The following CYSTM1 variants were observed in gnomAD, a reference collection of about 807,000 sequenced individuals.
CYSTM1 encodes cysteine rich transmembrane module containing 1, also known as cysteine-rich transmembrane module-containing protein 1.
Under a neutral mutation model 13.1 loss-of-function variants are expected in CYSTM1, and 4 were observed. That is an observed-to-expected ratio of 0.31 (90% CI 0.15 to 0.70). The LOEUF is 0.70. Among genes scored for constraint, CYSTM1 ranks in the 30% least tolerant of loss-of-function variants. CYSTM1 has a pLI of 0.72. For missense variants in CYSTM1, 96 were observed against 121.6 expected, an observed-to-expected ratio of 0.79 and a Z score of 0.99; for synonymous variants, 36 against 42.7, an observed-to-expected ratio of 0.84 and a Z score of 0.62.
At chr5:140,201,596 T>A (rs1447563304) in intron 2 of CYSTM1, 1 of 152,276 alleles carries the variant, frequency 6.6e-6, no homozygotes, top group Non-Finnish European at 1.5e-5. Context: ...CTGCACCCTA[T>A]ACAGACTTCT....
chr5:140,237,164 T>A (rs570617002), intron 2 of CYSTM1, among the ~76,000 whole-genome samples: 1 of 152,218 alleles, frequency 6.6e-6, no homozygotes, highest in East Asian at 1.9e-4. Context: ...TCACTCCATA[T>A]CTCAATTGAC....
chr5:140,208,354 G>A (rs1037167735), intron 2 of CYSTM1, among the ~76,000 whole-genome samples: 1 of 152,216 alleles, frequency 6.6e-6, no homozygotes, highest in African/African-American at 2.4e-5. Context: ...CAAACATTGT[G>A]TGTTCTCACT....
At chr5:140,215,269 T>TAA (rs2126665356) in intron 2 of CYSTM1, among the ~76,000 whole-genome samples, 1 of 152,310 alleles carries the variant, frequency 6.6e-6, no homozygotes, top group Non-Finnish European at 1.5e-5. Context: ...TGAGATGCTC[T>TAA]AAAAATCAGG....
chr5:140,196,969 G>A (rs755881839), intron 2 of CYSTM1, among the ~76,000 whole-genome samples: 4 of 152,178 alleles, frequency 2.6e-5, no homozygotes, highest in Non-Finnish European at 5.9e-5. Context: ...CTTCAAGATA[G>A]ATAGTTATGA....
chr5:140,177,346 C>A (rs963032757), intron 1 of CYSTM1, among the ~76,000 whole-genome samples: 1 of 152,030 alleles, frequency 6.6e-6, no homozygotes, highest in African/African-American at 2.4e-5. Context: ...GGCTGGAGTG[C>A]AGTGTCGAGA....
At chr5:140,242,990 C>T (rs1183723228) in intron 2 of CYSTM1, among the ~76,000 whole-genome samples, 1 of 152,226 alleles carries the variant, frequency 6.6e-6, no homozygotes, top group Non-Finnish European at 1.5e-5. Context: ...GGGGGGAAGA[C>T]ATGCTACCTG....
intron 2 of CYSTM1, among the ~76,000 whole-genome samples, chr5:140,223,256 TTTCTCTTCTGCTC>T (rs1764511151): frequency 6.6e-6 from 1 of 152,176 alleles, no homozygotes; most frequent in Non-Finnish European, 1.5e-5. Flanking sequence ...CTCTGCTACT[TTTCTCTTCTGCTC>T]TTCTCAGGGC....
chr5:140,188,272 A>G (rs1426370285), intron 1 of CYSTM1, among the ~76,000 whole-genome samples: 9 of 151,774 alleles, frequency 5.9e-5, no homozygotes, highest in Non-Finnish European at 1.0e-4. Context: ...GGGTAGACAC[A>G]AGGTTTCACT....
intron 1 of CYSTM1, among the ~76,000 whole-genome samples, chr5:140,177,866 G>T (rs1763910179): frequency 6.6e-6 from 1 of 152,138 alleles, no homozygotes; most frequent in African/African-American, 2.4e-5. Context: ...ATTTGAAGTG[G>T]CCAACTAATT....
chr5:140,183,721 A>T (rs1581057696), intron 1 of CYSTM1, among the ~76,000 whole-genome samples: 1 of 152,298 alleles, frequency 6.6e-6, no homozygotes, highest in South Asian at 2.1e-4. Flanking sequence ...ACCTGTGGGG[A>T]CCCTTCCATA....
rs1332913927 is a variant in CYSTM1, at chr5:140,175,678, C to T, written c.-21+393C>T. 1.3e-5 allele frequency among the ~76,000 whole-genome samples: 2 copies of T among 152,254 alleles called. No homozygotes were observed. Among genetic ancestry groups the T allele is most frequent in the Non-Finnish European group, 2.9e-5 (2 of 68,056 alleles). On this transcript the variant is annotated intron_variant, in intron 1 of 2. Transcript: ENST00000261811. This position sits in a 1 kb window ranked among gnomAD's most constrained non-coding sequence, Gnocchi z 4.9. Reference sequence around the variant, plus strand: ...ATTTCTTCGCCTTGGGCTGCGATTTCTGAGGCGCTGCTCTGCCTATTCCGA... The same window carrying T: ...ATTTCTTCGCCTTGGGCTGCGATTTTTGAGGCGCTGCTCTGCCTATTCCGA...
At chr5:140,220,502 A>G (rs1007291757) in intron 2 of CYSTM1, among the ~76,000 whole-genome samples, 3 of 152,044 alleles carry the variant, frequency 2.0e-5, no homozygotes, top group Non-Finnish European at 4.4e-5. Context: ...TGTGTTTATA[A>G]TTGGTCTTGC....
chr5:140,183,116 T>C lies in CYSTM1; in HGVS notation c.-21+7831T>C, dbSNP rs145572057. Among the ~76,000 whole-genome samples the C allele has an allele frequency of 3.0e-4, 45 of 152,348 alleles. 1 individual carries two copies. The East Asian group carries it at 8.7e-3, about 29-fold the overall frequency. On this transcript the variant is annotated intron_variant, in intron 1 of 2. Transcript: ENST00000261811. ...TCCCACAAAGCCTAATCTAATGCTC[T>C]GGGAGGAGGCAGGCAGAGCCTGTCT... is the stretch of plus-strand genomic sequence containing the variant.
intron 2 of CYSTM1, among the ~76,000 whole-genome samples, chr5:140,199,988 G>A (rs1358304200): frequency 6.6e-6 from 1 of 152,068 alleles, no homozygotes; most frequent in Non-Finnish European, 1.5e-5. Flanking sequence ...TCATAAATTT[G>A]TTTAAGTTCC....
intron 1 of CYSTM1, among the ~76,000 whole-genome samples, chr5:140,184,406 C>T (rs1312663244): frequency 6.7e-6 from 1 of 148,714 alleles, no homozygotes. Context: ...TTTTGGCATA[C>T]CGGCTGGCAC....
intron 2 of CYSTM1, among the ~76,000 whole-genome samples, chr5:140,233,371 A>C (rs562535673): frequency 6.6e-6 from 1 of 152,288 alleles, no homozygotes; most frequent in East Asian, 1.9e-4. Flanking sequence ...ATTGTATTAG[A>C]GGTACCCCAG....
chr5:140,190,700 G>A (rs1023632574), intron 1 of CYSTM1, among the ~76,000 whole-genome samples: 8 of 152,106 alleles, frequency 5.3e-5, no homozygotes, highest in Admixed American at 2.6e-4. Context: ...CCTTCTCATT[G>A]TGTGGTTGAA....
At chr5:140,181,924 C>A (rs1413720787) in intron 1 of CYSTM1, among the ~76,000 whole-genome samples, 1 of 152,198 alleles carries the variant, frequency 6.6e-6, no homozygotes, top group African/African-American at 2.4e-5. Flanking sequence ...TGTGACACCA[C>A]CTTCGGCCGG....
chr5:140,187,075 G>A (rs754868565), intron 1 of CYSTM1, among the ~76,000 whole-genome samples: 2 of 152,034 alleles, frequency 1.3e-5, no homozygotes, highest in African/African-American at 2.4e-5. Flanking sequence ...GTAGTGAGCC[G>A]AGATCGCACC....
Sources: allele counts gnomAD v4.1 joint callset (sites outside exome capture counted in the v4.1 genomes callset), GRCh38; gene constraint gnomAD v4.1.1; non-coding constraint Gnocchi (gnomAD v3.1); transcripts MANE v1.5; gene names NCBI Gene and HGNC (gene_info 2026-07-23, HGNC 2026-07-21).